HCN1: variants seen among roughly 807,000 people sequenced by gnomAD.
HCN1 encodes potassium/sodium hyperpolarization-activated cyclic nucleotide-gated channel 1.
A neutral mutation model predicts 78.9 loss-of-function variants in HCN1; 13 were observed. The ratio of observed to expected loss-of-function variants is 0.16; its 90% confidence interval spans 0.11 to 0.26. The LOEUF is 0.26. Among genes scored for constraint, HCN1 ranks in the 10% least tolerant of loss-of-function variants. The probability of loss-of-function intolerance (pLI) is 1.00; values close to 1 mark genes in which losing one functional copy is unlikely to be tolerated. For missense variants in HCN1, 810 were observed against 1,154.3 expected (o/e 0.70, Z 4.32); for synonymous variants, 552 against 455.5 (o/e 1.21, Z -2.70).
chr5:45,374,839 T>C (rs1579852535), intron 4 of HCN1, among the ~76,000 whole-genome samples: 1 of 147,240 alleles, frequency 6.8e-6, no homozygotes, highest in East Asian at 2.0e-4. Context: ...GATATCTTTT[T>C]CTTCAAGTGA....
At chr5:45,352,954 TAGG>T in intron 5 of HCN1, 143 bp downstream of exon 5, 1 of 645,000 alleles carries the variant, frequency 1.6e-6, no homozygotes, top group Non-Finnish European at 2.7e-6. Context: ...AGAGCTTATG[TAGG>T]TGAGAAGCTA....
intron 2 of HCN1, among the ~76,000 whole-genome samples, chr5:45,496,770 TTTCTAGTTC>T (rs1272720338): frequency 6.6e-6 from 1 of 152,206 alleles, no homozygotes. Context: ...TGCTCTTGCT[TTTCTAGTTC>T]TTCTAATCGT....
intron 3 of HCN1, among the ~76,000 whole-genome samples, chr5:45,434,993 T>G (rs1740535159): frequency 6.6e-6 from 1 of 152,098 alleles, no homozygotes; most frequent in African/African-American, 2.4e-5. Flanking sequence ...ATTGTCTTTA[T>G]GTTAAGACTA....
At chr5:45,322,460 T>C (rs990141583) in intron 5 of HCN1, among the ~76,000 whole-genome samples, 4 of 151,886 alleles carry the variant, frequency 2.6e-5, no homozygotes, top group African/African-American at 9.7e-5. Context: ...GAATGTCTTA[T>C]GTGAAATGCT....
chr5:45,282,521 A>G (rs550729388), intron 6 of HCN1, among the ~76,000 whole-genome samples: 2 of 152,324 alleles, frequency 1.3e-5, no homozygotes, highest in East Asian at 3.9e-4. Context: ...CCCAAACTTG[A>G]ATTAGTATCT....
chr5:45,282,607 C>T (rs1399479220), intron 6 of HCN1, among the ~76,000 whole-genome samples: 2 of 152,140 alleles, frequency 1.3e-5, no homozygotes, highest in Non-Finnish European at 2.9e-5. Flanking sequence ...CAAAACCATC[C>T]ATAATCTGGT....
chr5:45,366,854 T>C (rs1384303559), intron 4 of HCN1, among the ~76,000 whole-genome samples: 1 of 151,766 alleles, frequency 6.6e-6, no homozygotes, highest in Non-Finnish European at 1.5e-5. Flanking sequence ...ACATTCATAA[T>C]ATAAAACAAG....
chr5:45,665,368 C>T (rs1409539042), intron 1 of HCN1, among the ~76,000 whole-genome samples: 1 of 151,080 alleles, frequency 6.6e-6, no homozygotes, highest in East Asian at 2.0e-4. Flanking sequence ...TTAATGGGTG[C>T]AGCACACCAG....
At chr5:45,505,505 C>A (rs914208691) in intron 2 of HCN1, among the ~76,000 whole-genome samples, 2 of 152,048 alleles carry the variant, frequency 1.3e-5, no homozygotes, top group Non-Finnish European at 2.9e-5. Flanking sequence ...GTTGCTGTAG[C>A]CTTGTAGTAT....
rs187930464 is a variant in HCN1, at chr5:45,274,509, T to C, written c.1619-7256A>G. Among the ~76,000 whole-genome samples the C allele has an allele frequency of 2.6e-3, 397 of 152,218 alleles. 2 individuals carry two copies. Among genetic ancestry groups the C allele is most frequent in the African/African-American group, 9.1e-3 (377 of 41,520 alleles). ...CTGTAAAAGAGTGCCTATAAAACAG[T>C]GCCTATAAAGAGTGCCACCACAAGC... On this transcript the variant is annotated intron_variant, in intron 6 of 7. Coordinates refer to ENST00000303230, the MANE Select transcript of HCN1 (RefSeq NM_021072.4).
At chr5:45,613,441 A>G (rs957324668) in intron 2 of HCN1, among the ~76,000 whole-genome samples, 10 of 152,114 alleles carry the variant, frequency 6.6e-5, no homozygotes, top group Admixed American at 6.6e-4. Context: ...TTAGAATGGC[A>G]ATCATTAAAA....
chr5:45,315,036 A>T (rs1049447495), intron 5 of HCN1, among the ~76,000 whole-genome samples: 1 of 152,156 alleles, frequency 6.6e-6, no homozygotes, highest in Admixed American at 6.6e-5. Context: ...ATATCCAGGA[A>T]TTGAACTCAG....
At chr5:45,395,171 T>C (rs879783549) in intron 4 of HCN1, among the ~76,000 whole-genome samples, 3 of 150,124 alleles carry the variant, frequency 2.0e-5, no homozygotes, top group African/African-American at 7.3e-5. Context: ...AAAAAAAAAG[T>C]GTGAAAGGGG....
chr5:45,491,245 C>A (rs934101881), intron 2 of HCN1, among the ~76,000 whole-genome samples: 1 of 152,008 alleles, frequency 6.6e-6, no homozygotes, highest in Non-Finnish European at 1.5e-5. Context: ...TTATTCCCAG[C>A]AACATATACA....
At chr5:45,374,143 AT>A (rs1747530747) in intron 4 of HCN1, among the ~76,000 whole-genome samples, 2 of 116,354 alleles carry the variant, frequency 1.7e-5, no homozygotes, top group African/African-American at 6.7e-5. Flanking sequence ...TTATATACAT[AT>A]TATATATAAT....
chr5:45,562,678 G>C (rs1053891740), intron 2 of HCN1, among the ~76,000 whole-genome samples: 4 of 152,108 alleles, frequency 2.6e-5, no homozygotes, highest in Non-Finnish European at 4.4e-5. Flanking sequence ...AGAATATTAA[G>C]AATGTGAGAA....
At chr5:45,683,121 T>C (rs891331454) in intron 1 of HCN1, among the ~76,000 whole-genome samples, 4 of 141,240 alleles carry the variant, frequency 2.8e-5, no homozygotes, top group Non-Finnish European at 4.7e-5. Flanking sequence ...TTACCATTTA[T>C]AAATTAATTT....
At chr5:45,624,285 A>G (rs1020793803) in intron 2 of HCN1, among the ~76,000 whole-genome samples, 2 of 152,230 alleles carry the variant, frequency 1.3e-5, no homozygotes, top group Non-Finnish European at 2.9e-5. Flanking sequence ...GAGGGTTACA[A>G]TAACCCACGC....
intron 1 of HCN1, among the ~76,000 whole-genome samples, chr5:45,653,640 A>G (rs1247771622): frequency 1.3e-5 from 2 of 151,998 alleles, no homozygotes; most frequent in African/African-American, 2.4e-5. Flanking sequence ...CCAAATTAGT[A>G]TCTGTGTTAA....
Sources: allele counts gnomAD v4.1 joint callset (sites outside exome capture counted in the v4.1 genomes callset), GRCh38; gene constraint gnomAD v4.1.1; transcripts MANE v1.5; gene names NCBI Gene and HGNC (gene_info 2026-07-23, HGNC 2026-07-21).